AGBL1: variants seen among roughly 807,000 people sequenced by gnomAD.
AGBL1 encodes the protein cytosolic carboxypeptidase 4.
AGBL1 carries 130 observed loss-of-function variants against 118.9 expected under a neutral mutation model. The observed-to-expected ratio is 1.09, with a 90% CI of 0.95 to 1.26. AGBL1 has a LOEUF of 1.26. Among genes scored for constraint, AGBL1 ranks in the 50% most tolerant of loss-of-function variants. The probability of loss-of-function intolerance (pLI) is 0.00; values close to 1 mark genes in which losing one functional copy is unlikely to be tolerated. For synonymous variants in AGBL1, 555 were observed against 478.9 expected (o/e 1.16, Z -2.08); for missense variants, 1,584 against 1,298.1 (o/e 1.22, Z -3.38).
At chr15:86,463,292 T>G (rs572965394) in intron 18 of AGBL1, among the ~76,000 whole-genome samples, 80 of 152,040 alleles carry the variant, frequency 5.3e-4, no homozygotes, top group Non-Finnish European at 8.8e-4. Flanking sequence ...TTGTTTGTTT[T>G]TTTTTTTTGT....
chr15:86,879,430 C>A (rs1300752992), intron 22 of AGBL1, among the ~76,000 whole-genome samples: 1 of 152,108 alleles, frequency 6.6e-6, no homozygotes, highest in Non-Finnish European at 1.5e-5. Context: ...GTGCTTTTGG[C>A]TCCAGAAATG....
At chr15:86,176,852 G>A (rs2077489066) in intron 5 of AGBL1, among the ~76,000 whole-genome samples, 1 of 152,160 alleles carries the variant, frequency 6.6e-6, no homozygotes, top group South Asian at 2.1e-4. Flanking sequence ...CTGTGGCTAG[G>A]ATTGCAGGAG....
intron 21 of AGBL1, among the ~76,000 whole-genome samples, chr15:86,659,826 C>G (rs1678969554): frequency 6.6e-6 from 1 of 152,198 alleles, no homozygotes. Flanking sequence ...GGGTTTCCAG[C>G]TGTTCCCTCC....
chr15:86,504,348 T>TA (rs1026131112), intron 18 of AGBL1, among the ~76,000 whole-genome samples: 1 of 151,484 alleles, frequency 6.6e-6, no homozygotes, highest in African/African-American at 2.4e-5. Flanking sequence ...TGGAACACTT[T>TA]AAAAAAATCC....
intron 24 of AGBL1, among the ~76,000 whole-genome samples, chr15:87,023,713 A>C (rs1199526916): frequency 6.6e-6 from 1 of 152,132 alleles, no homozygotes; most frequent in African/African-American, 2.4e-5. Flanking sequence ...AACTTTCTTC[A>C]AGAAAGACCA....
chr15:86,518,725 A>G (rs1176853618), intron 18 of AGBL1, among the ~76,000 whole-genome samples: 7 of 152,102 alleles, frequency 4.6e-5, no homozygotes, highest in Admixed American at 1.3e-4. Context: ...ATTCCCACCT[A>G]AAAACATTCA....
At position 86,079,894 on chromosome 15, in the gene AGBL1, G is replaced by A; in HGVS notation, c.-79G>A. ...GCAGTCGTCTCCTGCGAGGCGGGCA[G>A]CGAGGTCAGCTTGGCAGCCGCTGCC... On this transcript the variant is annotated 5_prime_UTR_variant, in exon 1 of 23. Transcript: ENST00000614907. 1.8e-6 allele frequency: 2 copies of A among 1,094,458 alleles called. No individual in the cohort carries two copies. Among genetic ancestry groups the A allele is most frequent in the Non-Finnish European group, 1.2e-6 (1 of 860,906 alleles). The allele number at this position is 1,094,458 out of a possible 1,614,324, so 67.8% of individuals were successfully genotyped here.
intron 22 of AGBL1, among the ~76,000 whole-genome samples, chr15:86,809,224 G>A (rs2078757598): frequency 6.6e-6 from 1 of 152,106 alleles, no homozygotes; most frequent in Admixed American, 6.6e-5. Flanking sequence ...AATGTGCAGT[G>A]AAATAATTTC....
chr15:87,017,473 T>C lies in AGBL1; in HGVS notation c.3324-11352T>C, dbSNP rs1596745130. 2.0e-5 allele frequency among the ~76,000 whole-genome samples: 3 copies of C among 152,230 alleles called. No individual in the cohort carries two copies. In the East Asian group the frequency reaches 5.8e-4, roughly 29 times the overall value. On this transcript the variant is annotated intron_variant, in intron 24 of 24. Transcript: ENST00000441037. The stretch of plus-strand genomic sequence containing the variant: ...CTGTTTTGCAGCCTTCACTGATTGA[T>C]AATACTTCAAGGTACATGAAAAACC...
Position 86,264,321 on chromosome 15 carries a change from C to T in AGBL1, c.1150C>T (p.His384Tyr), listed in dbSNP as rs765369348. 5.0e-6 allele frequency: 8 copies of T among 1,611,464 alleles called. No individual in the cohort carries two copies. Among genetic ancestry groups the T allele is most frequent in the Non-Finnish European group, 6.8e-6 (8 of 1,178,836 alleles). The change falls in exon 11 of 23, where the codon CAC (histidine) becomes TAC (tyrosine). Residue 384 changes from histidine (H) to tyrosine (Y), a missense_variant. By Grantham distance (83) the His-to-Tyr change is moderately conservative. Coordinates refer to ENST00000614907, the MANE Select transcript of AGBL1 (RefSeq NM_001386094.1). ...AAAGACTCAGTATGCCAATCACCACCACATTCCAGCCGCTGCCTCCTCAAA... is the reference window on the plus strand; with the variant it reads ...AAAGACTCAGTATGCCAATCACCACTACATTCCAGCCGCTGCCTCCTCAAA... ...SEKTQYANHH[H>Y]IPAAASSKQH...
At chr15:86,658,974 A>C (rs2085500724) in intron 21 of AGBL1, among the ~76,000 whole-genome samples, 1 of 152,178 alleles carries the variant, frequency 6.6e-6, no homozygotes, top group African/African-American at 2.4e-5. Flanking sequence ...TCATTTACGC[A>C]GAACATGTGT....
intron 5 of AGBL1, among the ~76,000 whole-genome samples, chr15:86,214,313 C>T (rs564513497): frequency 2.0e-5 from 3 of 152,264 alleles, no homozygotes; most frequent in African/African-American, 7.2e-5. Flanking sequence ...ATCATAGGTA[C>T]ATTTGACTTA....
intron 19 of AGBL1, among the ~76,000 whole-genome samples, chr15:86,527,681 C>G (rs1267592537): frequency 6.6e-6 from 1 of 152,112 alleles, no homozygotes; most frequent in Non-Finnish European, 1.5e-5. Context: ...CACTGGGAAG[C>G]CACTTTATGG....
intron 21 of AGBL1, among the ~76,000 whole-genome samples, chr15:86,571,195 A>C (rs1398186622): frequency 6.6e-6 from 1 of 152,136 alleles, no homozygotes; most frequent in Non-Finnish European, 1.5e-5. Context: ...TCCCTGGCCC[A>C]GGGAGCTCCC....
intron 21 of AGBL1, among the ~76,000 whole-genome samples, chr15:86,649,033 C>T (rs1006559639): frequency 6.6e-5 from 10 of 151,934 alleles, no homozygotes; most frequent in Admixed American, 3.9e-4. Flanking sequence ...GAAATGATAC[C>T]ATGTTTGAAT....
intron 5 of AGBL1, among the ~76,000 whole-genome samples, chr15:86,188,417 A>T (rs905546279): frequency 6.6e-6 from 1 of 152,050 alleles, no homozygotes; most frequent in African/African-American, 2.4e-5. Flanking sequence ...AAAAAAAAAG[A>T]CTGTTGATAA....
intron 21 of AGBL1, among the ~76,000 whole-genome samples, chr15:86,603,671 C>T (rs542653366): frequency 2.5e-4 from 38 of 152,108 alleles, no homozygotes; most frequent in Non-Finnish European, 4.7e-4. Flanking sequence ...CCTCTCTTCC[C>T]GCCCCCTCCA....
intron 22 of AGBL1, among the ~76,000 whole-genome samples, chr15:86,698,753 G>A (rs1374446658): frequency 6.6e-6 from 1 of 151,718 alleles, no homozygotes; most frequent in Non-Finnish European, 1.5e-5. Flanking sequence ...AAGACAGTAG[G>A]AATTTGAGAC....
intron 5 of AGBL1, among the ~76,000 whole-genome samples, chr15:86,193,507 G>A (rs569971863): frequency 6.6e-6 from 1 of 152,268 alleles, no homozygotes; most frequent in Non-Finnish European, 1.5e-5. Context: ...CAGCCCACTT[G>A]AGATGAAACC....
Sources: allele counts gnomAD v4.1 joint callset (sites outside exome capture counted in the v4.1 genomes callset), GRCh38; gene constraint gnomAD v4.1.1; transcripts MANE v1.5; gene names NCBI Gene and HGNC (gene_info 2026-07-23, HGNC 2026-07-21).